The following SGIP1 variants were observed in gnomAD, a reference collection of about 807,000 sequenced individuals.
The protein encoded by SGIP1 is SH3GL interacting endocytic adaptor 1, also known as SH3-containing GRB2-like protein 3-interacting protein 1.
A neutral mutation model predicts 107.5 loss-of-function variants in SGIP1; 38 were observed. The ratio of observed to expected loss-of-function variants is 0.35; its 90% CI spans 0.27 to 0.46. SGIP1 has a LOEUF of 0.46. Ranked by LOEUF, SGIP1 falls within the 20% of genes least tolerant of loss-of-function variation. The pLI is 1.00. For missense variants in SGIP1, 929 were observed against 1,019.5 expected, an observed-to-expected ratio of 0.91 and a Z score of 1.21; for synonymous variants, 365 against 366.1, an observed-to-expected ratio of 1.00 and a Z score of 0.03.
chr1:66,719,491 CT>C (rs1351113057), intron 19 of SGIP1, 86 bp downstream of exon 19: 1 of 1,070,400 alleles, frequency 9.3e-7, no homozygotes, highest in Admixed American at 2.9e-5. Flanking sequence ...TTCATTTTTT[CT>C]TTTAAAAAGC....
At position 66,637,895 on chromosome 1, in the gene SGIP1, T is replaced by C. The variant is rs143799354; in HGVS notation, c.171+1880T>C. On this transcript the variant is annotated intron_variant, in intron 4 of 24. Transcript: ENST00000371037. ...CACAAATATATATATATATAAACTG[T>C]TTAGCTGAACATATAAGCCATCTTG... 5.8e-3 allele frequency among the ~76,000 whole-genome samples: 883 copies of C among 151,248 alleles called. 19 individuals are homozygous for C. The highest frequency in any genetic ancestry group is 0.028 in the East Asian group (145 of 5,106).
intron 1 of SGIP1, among the ~76,000 whole-genome samples, chr1:66,621,534 C>A (rs2071112879): frequency 6.6e-6 from 1 of 152,128 alleles, no homozygotes; most frequent in Non-Finnish European, 1.5e-5. Context: ...GCAACATAAC[C>A]ACCATCAAGT....
At chr1:66,728,007 A>C (rs530015315) in intron 19 of SGIP1, among the ~76,000 whole-genome samples, 2 of 152,164 alleles carry the variant, frequency 1.3e-5, no homozygotes, top group Non-Finnish European at 2.9e-5. Context: ...ATATAAGTTC[A>C]GTTTATTATA....
chr1:66,548,139 G>A (rs997077365), intron 1 of SGIP1, among the ~76,000 whole-genome samples: 3 of 152,120 alleles, frequency 2.0e-5, no homozygotes, highest in Non-Finnish European at 2.9e-5. Context: ...GAAGGAGAAG[G>A]TCATGCTTTT....
chr1:66,542,869 C>T (rs534211706), intron 1 of SGIP1, among the ~76,000 whole-genome samples: 22 of 152,278 alleles, frequency 1.4e-4, no homozygotes, highest in Admixed American at 1.3e-3. Context: ...AGAACCAGCA[C>T]TTATCAGCCA....
intron 1 of SGIP1, among the ~76,000 whole-genome samples, chr1:66,587,855 G>C (rs993692426): frequency 1.3e-5 from 2 of 152,010 alleles, no homozygotes; most frequent in African/African-American, 2.4e-5. Flanking sequence ...GGAGGAGAAA[G>C]AAAGGAAAAA....
intron 1 of SGIP1, among the ~76,000 whole-genome samples, chr1:66,625,049 G>C (rs945874193): frequency 4.6e-5 from 7 of 152,146 alleles, no homozygotes; most frequent in African/African-American, 1.7e-4. Flanking sequence ...TTCAAGAAAG[G>C]ATCACAGCCT....
intron 7 of SGIP1, among the ~76,000 whole-genome samples, chr1:66,658,194 G>T (rs1389022838): frequency 6.6e-6 from 1 of 152,164 alleles, no homozygotes; most frequent in Non-Finnish European, 1.5e-5. Flanking sequence ...TACCTTATAA[G>T]TAAGAGTTTT....
In SGIP1 at chr1:66,671,450, C is replaced by T. The variant is rs574245614; in HGVS notation, c.508+431C>T. ...GTGATGCGATATAGGTTATAATACA[C>T]ATAGGGCACAATTTTCCTCTGCTGC... is the stretch of plus-strand genomic sequence containing the variant. On this transcript the variant is annotated intron_variant, in intron 10 of 24. Coordinates refer to ENST00000371037, the MANE Select transcript of SGIP1 (RefSeq NM_032291.4). Among the ~76,000 whole-genome samples the T allele has an allele frequency of 2.0e-5, 3 of 152,234 alleles. No homozygotes were observed. In the South Asian group the frequency reaches 6.2e-4, roughly 32 times the overall value.
chr1:66,600,043 GTCTCCACTGT>G (rs2065469914), intron 1 of SGIP1, among the ~76,000 whole-genome samples: 1 of 152,118 alleles, frequency 6.6e-6, no homozygotes, highest in South Asian at 2.1e-4. Context: ...TGACACATTG[GTCTCCACTGT>G]AATGGGTATT....
chr1:66,544,344 G>A (rs1252061439), intron 1 of SGIP1, among the ~76,000 whole-genome samples: 4 of 152,120 alleles, frequency 2.6e-5, no homozygotes, highest in African/African-American at 9.7e-5. Context: ...ATATTACCTT[G>A]CATTCCTTAC....
At chr1:66,642,919 G>A in intron 6 of SGIP1, 55 bp downstream of exon 6, 1 of 1,421,474 alleles carries the variant, frequency 7.0e-7, no homozygotes, top group Non-Finnish European at 9.7e-7. Context: ...GAAAACAGTA[G>A]GATAAATTCA....
intron 13 of SGIP1, among the ~76,000 whole-genome samples, chr1:66,677,852 A>G (rs766782817): frequency 6.6e-6 from 1 of 152,214 alleles, no homozygotes; most frequent in Non-Finnish European, 1.5e-5. Context: ...AGAGATGCAG[A>G]GGATGTTTTT....
At chr1:66,536,296 A>G (rs1206587651) in intron 1 of SGIP1, among the ~76,000 whole-genome samples, 1 of 152,224 alleles carries the variant, frequency 6.6e-6, no homozygotes, top group Non-Finnish European at 1.5e-5. Flanking sequence ...ATCTTTTGCA[A>G]GAGAAATTGG....
rs573021826 is a variant in SGIP1, at chr1:66,747,213, A to G, written c.*4118A>G. On this transcript the variant is annotated 3_prime_UTR_variant, in exon 25 of 25. Transcript: ENST00000371037. Reference sequence around the variant, plus strand: ...ACTTCTAGGGATGAGATTTGGGAATATACATTTTGATAAGTGCTCCAAATT... The same window carrying G: ...ACTTCTAGGGATGAGATTTGGGAATGTACATTTTGATAAGTGCTCCAAATT... The G allele has an allele frequency of 1.1e-4, 17 of 152,228 alleles. No homozygotes were observed. Among genetic ancestry groups the G allele is most frequent in the Admixed American group, 4.6e-4 (7 of 15,286 alleles). The allele number at this position is 152,228 out of a possible 1,614,324, so 9.4% of individuals were successfully genotyped here. A position where few individuals can be genotyped will look rare whatever the true frequency, so the allele number is the denominator to read the frequency against.
chr1:66,699,526 C>T (rs929025134), intron 18 of SGIP1, among the ~76,000 whole-genome samples: 2 of 152,196 alleles, frequency 1.3e-5, no homozygotes, highest in African/African-American at 4.8e-5. Flanking sequence ...TTTCTCTCCA[C>T]TTTACTCGGT....
At position 66,748,014 on chromosome 1, in the gene SGIP1, T is replaced by C. The variant is rs1219431297; in HGVS notation, c.*4919T>C. 3 of 152,016 alleles carry C rather than the reference T, an allele frequency of 2.0e-5. No individual in the cohort carries two copies. Among genetic ancestry groups the C allele is most frequent in the East Asian group, 3.8e-4 (2 of 5,196 alleles). The allele number at this position is 152,016 out of a possible 1,614,324, so 9.4% of individuals were successfully genotyped here. On this transcript the variant is annotated 3_prime_UTR_variant, in exon 25 of 25. Coordinates refer to ENST00000371037, the MANE Select transcript of SGIP1 (RefSeq NM_032291.4). ...GCAATGAGTCAAATTAGATTGTTGA[T>C]ATAAATGAACAAATCAATCCAAGTT...
At chr1:66,610,585 C>A (rs958659991) in intron 1 of SGIP1, among the ~76,000 whole-genome samples, 2 of 152,052 alleles carry the variant, frequency 1.3e-5, no homozygotes, top group Admixed American at 1.3e-4. Context: ...TTAAAAGTCA[C>A]CATACAAGAA....
intron 7 of SGIP1, among the ~76,000 whole-genome samples, chr1:66,656,737 G>A (rs764704229): frequency 6.6e-6 from 1 of 152,122 alleles, no homozygotes; most frequent in Non-Finnish European, 1.5e-5. Context: ...ATAGTGTCTG[G>A]TATTTACTAG....
Sources: allele counts gnomAD v4.1 joint callset (sites outside exome capture counted in the v4.1 genomes callset), GRCh38; gene constraint gnomAD v4.1.1; transcripts MANE v1.5; gene names NCBI Gene and HGNC (gene_info 2026-07-23, HGNC 2026-07-21).